Variants in SEPTIN6 observed in about 807,000 individuals in gnomAD.
SEPTIN6 encodes the protein septin-6.
A neutral mutation model predicts 33.6 loss-of-function variants in SEPTIN6; 8 were observed. The ratio of observed to expected loss-of-function variants is 0.24; its 90% CI spans 0.14 to 0.43. The LOEUF is 0.43. Ranked by LOEUF, SEPTIN6 falls within the 20% of genes least tolerant of loss-of-function variation. The pLI, the probability that SEPTIN6 is intolerant of heterozygous loss-of-function variation, is 1.00. For synonymous variants in SEPTIN6, 131 were observed against 140.0 expected (o/e 0.94, Z 0.45); for missense variants, 250 against 340.8 (o/e 0.73, Z 2.10).
Position 119,691,011 on chromosome X carries a change from A to G in SEPTIN6, c.30+2065T>C, listed in dbSNP as rs1241572329. Among the ~76,000 whole-genome samples the G allele has an allele frequency of 2.7e-5, 3 of 111,342 alleles. No homozygotes were observed. In the East Asian group the frequency reaches 8.5e-4, roughly 31 times the overall value. The stretch of plus-strand genomic sequence containing the variant: ...TCCCAGAAACCCATTTATCACGATA[A>G]CAAGGTCTCGAGTGCTTAGGCTGCT... On this transcript the variant is annotated intron_variant, in intron 1 of 10. Transcript: ENST00000394610.
At position 119,629,365 on chromosome X, in the gene SEPTIN6, G is replaced by A; in HGVS notation, c.1233C>T (p.Ser411=). The A allele has an allele frequency of 1.7e-6, 2 of 1,211,531 alleles. No homozygotes were observed. Among genetic ancestry groups the A allele is most frequent in the Non-Finnish European group, 2.2e-6 (2 of 895,375 alleles). ...TCAGAGTCTGTGAGCCTCCAGCCTGGGAGCCCTGGGACTGGAGCAGCTCAG... is the reference window on the plus strand; with the variant it reads ...TCAGAGTCTGTGAGCCTCCAGCCTGAGAGCCCTGGGACTGGAGCAGCTCAG... The part of the protein sequence containing the change: ...TAAELLQSQG[S]QAGGSQTLKR... Residue 411 remains serine (S), a synonymous_variant, in exon 9 of 11, where the codon TCC becomes TCT. Coordinates refer to ENST00000394610, the MANE Select transcript of SEPTIN6 (RefSeq NM_145799.4).
At chrX:119,642,011 A>T (rs1421168117) in intron 5 of SEPTIN6, among the ~76,000 whole-genome samples, 1 of 111,061 alleles carries the variant, frequency 9.0e-6, no homozygotes, top group African/African-American at 3.3e-5. Context: ...CGTAATAGCA[A>T]AAAAGCACAG....
intron 3 of SEPTIN6, among the ~76,000 whole-genome samples, chrX:119,655,123 G>A (rs184664410): frequency 5.5e-5 from 6 of 109,760 alleles, no homozygotes; most frequent in Admixed American, 3.9e-4. Context: ...CACACACCCC[G>A]AAATCTGTAG....
At chrX:119,647,156 G>C (rs1014439795) in intron 5 of SEPTIN6, among the ~76,000 whole-genome samples, 5 of 110,444 alleles carry the variant, frequency 4.5e-5, no homozygotes, top group Non-Finnish European at 9.5e-5. Context: ...TTGAACCCAG[G>C]AGGTGGAGGC....
At chrX:119,633,765 C>T (rs1003489040) in intron 7 of SEPTIN6, among the ~76,000 whole-genome samples, 4 of 111,995 alleles carry the variant, frequency 3.6e-5, no homozygotes, top group Non-Finnish European at 7.5e-5. Flanking sequence ...AACTGAGGCC[C>T]AGAGAGGTGA....
At chrX:119,639,291 G>A (rs757993046) in intron 6 of SEPTIN6, among the ~76,000 whole-genome samples, 1 of 111,484 alleles carries the variant, frequency 9.0e-6, no homozygotes, top group African/African-American at 3.3e-5. Context: ...TCTTTCACAC[G>A]ATGCCCCTAT....
At chrX:119,622,295 G>A (rs1302346406) in intron 10 of SEPTIN6, among the ~76,000 whole-genome samples, 3 of 111,550 alleles carry the variant, frequency 2.7e-5, no homozygotes, top group Non-Finnish European at 5.7e-5. Context: ...CAAAGGAATC[G>A]CTTTTACAAA....
In SEPTIN6 at chrX:119,626,983, G is replaced by A. The variant is rs1006363160; in HGVS notation, c.1281-1604C>T. On this transcript the variant is annotated intron_variant, in intron 9 of 10. Coordinates refer to ENST00000394610, the MANE Select transcript of SEPTIN6 (RefSeq NM_145799.4). ...ATTACAGGCGTGAGCCACCGTACCCGGCCAAGATGTTTAAATTACACATTT... is the reference window on the plus strand; with the variant it reads ...ATTACAGGCGTGAGCCACCGTACCCAGCCAAGATGTTTAAATTACACATTT... 1.2e-4 allele frequency among the ~76,000 whole-genome samples: 13 copies of A among 112,030 alleles called. No homozygotes were observed. The East Asian group carries it at 1.7e-3, about 14-fold the overall frequency.
rs1397585913 is a variant in SEPTIN6 at position 119,688,882 on chromosome X, AG to A, written c.30+4193del. Among the ~76,000 whole-genome samples, 5 of 111,203 alleles carry A rather than the reference AG, an allele frequency of 4.5e-5. No individual in the cohort carries two copies. In the East Asian group the frequency reaches 1.4e-3, roughly 31 times the overall value. On this transcript the variant is annotated intron_variant, in intron 1 of 10. Coordinates refer to ENST00000394610, the MANE Select transcript of SEPTIN6 (RefSeq NM_145799.4). Reference sequence around the variant, plus strand: ...TGTATCACCAATAGAGCTAGGTAATAGGGTTTTGTTTTCTATGTTTGAGGTA... The same window carrying A: ...TGTATCACCAATAGAGCTAGGTAATAGGTTTTGTTTTCTATGTTTGAGGTA...
At chrX:119,656,492 C>T (rs1355383972) in intron 3 of SEPTIN6, among the ~76,000 whole-genome samples, 2 of 112,097 alleles carry the variant, frequency 1.8e-5, no homozygotes, top group East Asian at 2.8e-4. Context: ...AATGGGAAGA[C>T]GGCCAGGGAG....
intron 9 of SEPTIN6, 183 bp downstream of exon 9, chrX:119,629,135 A>T: frequency 2.3e-6 from 1 of 437,734 alleles, no homozygotes; most frequent in Non-Finnish European, 3.9e-6. Flanking sequence ...CAACTCCCCA[A>T]GCTCAGGGAA....
chrX:119,639,918 C>T (rs1248334766), intron 6 of SEPTIN6, among the ~76,000 whole-genome samples: 2 of 110,318 alleles, frequency 1.8e-5, no homozygotes, highest in Non-Finnish European at 3.8e-5. Context: ...ATTCTCCTGC[C>T]TCAGCCTCCT....
In SEPTIN6 at chrX:119,625,358, A is replaced by G. The variant is rs1395060483; in HGVS notation, c.*18T>C. On this transcript the variant is annotated 3_prime_UTR_variant, in exon 10 of 11. Coordinates refer to ENST00000394610, the MANE Select transcript of SEPTIN6 (RefSeq NM_145799.4). ...ACCAGGACCCTGGGTCTCATGCAGC[A>G]TGCAGCAAACAGCAGAGTTAACTGT... is the stretch of plus-strand genomic sequence containing the variant. The G allele has an allele frequency of 8.3e-7, 1 of 1,208,424 alleles. No individual in the cohort carries two copies. Among genetic ancestry groups the G allele is most frequent in the Non-Finnish European group, 1.1e-6 (1 of 892,449 alleles).
At chrX:119,674,140 T>C (rs1164744774) in intron 2 of SEPTIN6, among the ~76,000 whole-genome samples, 3 of 110,166 alleles carry the variant, frequency 2.7e-5, no homozygotes, top group South Asian at 3.8e-4. Context: ...GCTATGATCA[T>C]GTTTGCAAAT....
Position 119,619,286 on chromosome X carries a change from A to C in SEPTIN6, c.*807T>G. ...CGAGATGCTGAAATACCTCACAAGA[A>C]GAATTCGGTAAGGCTATCATTCAAG... On this transcript the variant is annotated 3_prime_UTR_variant, in exon 11 of 11. Transcript: ENST00000394610. The C allele has an allele frequency of 6.1e-6, 5 of 815,191 alleles. No individual in the cohort carries two copies. Among genetic ancestry groups the C allele is most frequent in the Non-Finnish European group, 7.4e-6 (5 of 677,329 alleles). 67.2% of individuals were successfully genotyped at this position (815,191 alleles called of 1,213,427 possible).
chrX:119,682,193 C>T (rs779125774), intron 1 of SEPTIN6, among the ~76,000 whole-genome samples: 16 of 111,846 alleles, frequency 1.4e-4, no homozygotes, highest in Non-Finnish European at 1.1e-4. Flanking sequence ...AACCCACAAT[C>T]GTAGCTACCT....
At chrX:119,655,207 A>G (rs375218884) in intron 3 of SEPTIN6, among the ~76,000 whole-genome samples, 1 of 110,868 alleles carries the variant, frequency 9.0e-6, no homozygotes, top group African/African-American at 3.3e-5. Context: ...GGATCAGACC[A>G]GCCAAACCAG....
intron 7 of SEPTIN6, among the ~76,000 whole-genome samples, 199 bp from the exon 8 acceptor site, chrX:119,633,691 C>T (rs1387530177): frequency 8.9e-6 from 1 of 112,123 alleles, no homozygotes; most frequent in Non-Finnish European, 1.9e-5. Context: ...GGGGATGGGG[C>T]AACCCTAGTG....
At chrX:119,628,620 CTCAG>C (rs2053901413) in intron 9 of SEPTIN6, among the ~76,000 whole-genome samples, 1 of 109,916 alleles carries the variant, frequency 9.1e-6, no homozygotes, top group South Asian at 3.9e-4. Context: ...ATTCTCCTGC[CTCAG>C]CCTCCCGAGT....
Sources: gnomAD v4.1 joint callset for allele counts (sites outside exome capture counted in the v4.1 genomes callset) on GRCh38, gnomAD v4.1.1 for gene constraint, MANE v1.5 for transcripts, NCBI Gene and HGNC (gene_info 2026-07-23, HGNC 2026-07-21) for gene names.